Variants in SLC14A2 observed in about 807,000 individuals in gnomAD.
SLC14A2 encodes the protein solute carrier family 14 member 2.
Under a neutral mutation model 104.6 loss-of-function variants are expected in SLC14A2, and 91 were observed. The ratio of observed to expected loss-of-function variants is 0.87; its 90% CI spans 0.73 to 1.04. The LOEUF (loss-of-function observed/expected upper bound fraction) is 1.04, where lower values mean the gene tolerates loss of function less well. SLC14A2 is among the 50% of genes least tolerant of loss of function. The probability of loss-of-function intolerance (pLI) is 0.00; values close to 1 mark genes in which losing one functional copy is unlikely to be tolerated. For synonymous variants in SLC14A2, 476 were observed against 466.4 expected, an observed-to-expected ratio of 1.02 and a Z score of -0.27; for missense variants, 1,189 against 1,156.0, an observed-to-expected ratio of 1.03 and a Z score of -0.41.
chr18:45,194,589 T>G, the SLC14A2 span, among the ~76,000 whole-genome samples: 4 of 152,008 alleles, frequency 2.6e-5, no homozygotes, highest in Non-Finnish European at 5.9e-5. Context: ...TGAGATCTAA[T>G]TTGGCAAATT....
chr18:45,636,094 ATG>A (rs1226697311), intron 5 of SLC14A2, among the ~76,000 whole-genome samples: 7 of 152,194 alleles, frequency 4.6e-5, no homozygotes, highest in African/African-American at 1.4e-4. Context: ...AAAGGTGAAA[ATG>A]TGAAATACTT....
At chr18:45,648,417 G>A (rs542580900) in intron 10 of SLC14A2, among the ~76,000 whole-genome samples, 15 of 151,968 alleles carry the variant, frequency 9.9e-5, no homozygotes, top group Non-Finnish European at 2.1e-4. Context: ...GTGTTAGCCA[G>A]GATGGTCTCG....
At chr18:45,293,848 G>A (rs1265038674) in intron 1 of SLC14A2, among the ~76,000 whole-genome samples, 1 of 152,162 alleles carries the variant, frequency 6.6e-6, no homozygotes, top group African/African-American at 2.4e-5. Flanking sequence ...AAAAATGTAT[G>A]GGGCCAAAGT....
chr18:45,394,759 A>G (rs2144426843), intron 1 of SLC14A2, among the ~76,000 whole-genome samples: 1 of 152,096 alleles, frequency 6.6e-6, no homozygotes, highest in South Asian at 2.1e-4. Flanking sequence ...TTTGATATTA[A>G]CTTCTTATCA....
At chr18:45,628,109 C>A (rs1312716266) in intron 4 of SLC14A2, among the ~76,000 whole-genome samples, 1 of 152,010 alleles carries the variant, frequency 6.6e-6, no homozygotes, top group Non-Finnish European at 1.5e-5. Flanking sequence ...CCAGTGGCTC[C>A]CAAACTTTCC....
At chr18:45,394,696 G>A (rs2086009303) in intron 1 of SLC14A2, among the ~76,000 whole-genome samples, 1 of 151,934 alleles carries the variant, frequency 6.6e-6, no homozygotes, top group South Asian at 2.1e-4. Flanking sequence ...TTTTAATCTA[G>A]TTATTTGGGT....
At chr18:45,381,677 A>G (rs1222688394) in intron 1 of SLC14A2, among the ~76,000 whole-genome samples, 1 of 152,222 alleles carries the variant, frequency 6.6e-6, no homozygotes, top group Non-Finnish European at 1.5e-5. Flanking sequence ...TAATTCAAGT[A>G]ACATTTGGGA....
At chr18:45,412,025 CTTAT>C (rs2086220729) in intron 1 of SLC14A2, among the ~76,000 whole-genome samples, 1 of 152,182 alleles carries the variant, frequency 6.6e-6, no homozygotes, top group South Asian at 2.1e-4. Context: ...CATCCTGGCA[CTTAT>C]TTAATCAGTA....
At chr18:45,474,592 T>C (rs1358055105) in intron 1 of SLC14A2, among the ~76,000 whole-genome samples, 1 of 152,208 alleles carries the variant, frequency 6.6e-6, no homozygotes, top group African/African-American at 2.4e-5. Context: ...AACTTCTTCC[T>C]GGTTTAGTCT....
chr18:45,454,678 GT>G (rs2144621824), intron 1 of SLC14A2, among the ~76,000 whole-genome samples: 1 of 152,310 alleles, frequency 6.6e-6, no homozygotes, highest in African/African-American at 2.4e-5. Flanking sequence ...GTTAATTTTT[GT>G]ATAAGGTGTA....
At chr18:45,312,677 G>A (rs991884759) in intron 1 of SLC14A2, among the ~76,000 whole-genome samples, 10 of 152,214 alleles carry the variant, frequency 6.6e-5, no homozygotes, top group African/African-American at 1.9e-4. Context: ...CCTGATCTTC[G>A]CTGTGGGCTA....
In SLC14A2 at chr18:45,268,964, T is replaced by TTGTGTGTGTGTGTGTGTGTGTG. The variant is rs3050837; in HGVS notation, c.-125+55775_-125+55796dup. 5.4e-3 allele frequency among the ~76,000 whole-genome samples: 777 copies of TTGTGTGTGTGTGTGTGTGTGTG among 143,532 alleles called. 12 individuals carry two copies. Among genetic ancestry groups the TTGTGTGTGTGTGTGTGTGTGTG allele is most frequent in the South Asian group, 0.027 (124 of 4,546 alleles). The allele number at this position is 143,532 out of a possible 152,430, so 94.2% of individuals were successfully genotyped here. ...TGCCTCCTTTATGCTGTTGGTGTGT[T>TTGTGTGTGTGTGTGTGTGTGTG]TGTGTGTGTGTGTGTGTGTGTGTAC... On this transcript the variant is annotated intron_variant, in intron 1 of 20. Coordinates refer to the SLC14A2 transcript ENST00000586448.
At chr18:45,307,275 G>A (rs1050471304) in intron 1 of SLC14A2, among the ~76,000 whole-genome samples, 2 of 151,918 alleles carry the variant, frequency 1.3e-5, no homozygotes, top group African/African-American at 2.4e-5. Context: ...AAAATTAGCT[G>A]GGTGTGGTGG....
intron 1 of SLC14A2, among the ~76,000 whole-genome samples, chr18:45,229,685 C>G (rs2084155969): frequency 6.6e-6 from 1 of 152,126 alleles, no homozygotes; most frequent in Non-Finnish European, 1.5e-5. Context: ...TTCATCTTTC[C>G]CCAAGCACAG....
At chr18:45,592,493 C>G (rs956270216) in intron 2 of SLC14A2, among the ~76,000 whole-genome samples, 22 of 152,202 alleles carry the variant, frequency 1.4e-4, no homozygotes, top group African/African-American at 5.3e-4. Flanking sequence ...TCTTGGGAAG[C>G]AGATGCAGGA....
rs1340892413 is a variant in SLC14A2 at position 45,398,984 on chromosome 18, GT to G, written c.-124-84243del. 1.3e-5 allele frequency among the ~76,000 whole-genome samples: 2 copies of G among 152,136 alleles called. 1 individual carries two copies. The highest frequency in any genetic ancestry group is 3.8e-4 in the East Asian group (2 of 5,206). ...TAAACATTAAAATGGTAAATTATGT[GT>G]TTTTTACCAAAATAAAAAATACTTA... On this transcript the variant is annotated intron_variant, in intron 1 of 20. Coordinates refer to the SLC14A2 transcript ENST00000586448.
chr18:45,340,095 C>T (rs1161587240), intron 1 of SLC14A2, among the ~76,000 whole-genome samples: 3 of 152,152 alleles, frequency 2.0e-5, no homozygotes, highest in Admixed American at 2.0e-4. Flanking sequence ...AAGGAAACTC[C>T]CTTTCATTAT....
chr18:45,329,659 C>T (rs540214392), intron 1 of SLC14A2, among the ~76,000 whole-genome samples: 3 of 152,316 alleles, frequency 2.0e-5, no homozygotes, highest in East Asian at 3.9e-4. Context: ...TATACCTTGA[C>T]TCTGCTGTGA....
chr18:45,633,275 TGTC>T (rs2045372828), intron 5 of SLC14A2, among the ~76,000 whole-genome samples: 1 of 152,224 alleles, frequency 6.6e-6, no homozygotes, highest in African/African-American at 2.4e-5. Flanking sequence ...GCATGGGAAT[TGTC>T]TATTATGTGA....
Sources: allele counts gnomAD v4.1 joint callset (sites outside exome capture counted in the v4.1 genomes callset), GRCh38; gene constraint gnomAD v4.1.1; transcripts MANE v1.5; gene names NCBI Gene and HGNC (gene_info 2026-07-23, HGNC 2026-07-21).